Variants in LRRC37A2 observed in about 807,000 individuals in gnomAD.
LRRC37A2 encodes leucine-rich repeat-containing protein 37A2.
LRRC37A2 carries 9 observed loss-of-function variants against 68.8 expected under a neutral mutation model. The observed-to-expected ratio is 0.13, with a 90% CI of 0.08 to 0.23. LRRC37A2 has a LOEUF of 0.23. LRRC37A2 is among the 10% of genes least tolerant of loss of function. The probability of loss-of-function intolerance (pLI) is 1.00; values close to 1 mark genes in which losing one functional copy is unlikely to be tolerated. For missense variants in LRRC37A2, 168 were observed against 950.4 expected (o/e 0.18, Z 10.82); for synonymous variants, 63 against 367.6 (o/e 0.17, Z 9.48).
chr17:46,775,897 G>A, the LRRC37A2 span, among the ~76,000 whole-genome samples: 12 of 151,928 alleles, frequency 7.9e-5, no homozygotes, highest in Non-Finnish European at 1.8e-4. Flanking sequence ...ACAGGCGCGA[G>A]CCACCACGCC....
chr17:46,859,022 G>A, the LRRC37A2 span, among the ~76,000 whole-genome samples: 1 of 148,812 alleles, frequency 6.7e-6, no homozygotes, highest in Non-Finnish European at 1.5e-5. Context: ...TGTTACCCAG[G>A]CTGGAGTGCA....
chr17:46,499,344 G>GGA, the LRRC37A2 span, among the ~76,000 whole-genome samples: 11 of 136,200 alleles, frequency 8.1e-5, no homozygotes, highest in Non-Finnish European at 1.3e-4. Context: ...AAGGTGGGGG[G>GGA]ACAATGTTAC....
chr17:46,777,772 G>A, the LRRC37A2 span, among the ~76,000 whole-genome samples: 1 of 152,244 alleles, frequency 6.6e-6, no homozygotes, highest in African/African-American at 2.4e-5. Flanking sequence ...GGCGACTTAT[G>A]CAAGGAAGTG....
the LRRC37A2 span, among the ~76,000 whole-genome samples, chr17:46,744,094 C>T: frequency 1.5e-4 from 23 of 152,228 alleles, no homozygotes; most frequent in South Asian, 1.0e-3. Flanking sequence ...CCCCATAAAC[C>T]GGGTGCCCTC....
the LRRC37A2 span, among the ~76,000 whole-genome samples, chr17:46,777,622 A>G: frequency 6.6e-6 from 1 of 152,238 alleles, no homozygotes; most frequent in African/African-American, 2.4e-5. Flanking sequence ...TGGCAATACT[A>G]ATGACAACTA....
the LRRC37A2 span, among the ~76,000 whole-genome samples, chr17:47,030,011 C>T: frequency 2.2e-4 from 33 of 150,326 alleles, no homozygotes; most frequent in African/African-American, 6.9e-4. Context: ...TGCAGTGAGC[C>T]GAGATGGCAC....
the LRRC37A2 span, among the ~76,000 whole-genome samples, chr17:46,998,271 T>C: frequency 6.6e-6 from 1 of 152,208 alleles, no homozygotes; most frequent in Non-Finnish European, 1.5e-5. Context: ...CTACGGGGTA[T>C]GCTGGGAGTC....
At chr17:46,574,964 T>TA in the LRRC37A2 span, among the ~76,000 whole-genome samples, 1 of 58,968 alleles carries the variant, frequency 1.7e-5, no homozygotes, top group African/African-American at 6.2e-5. Flanking sequence ...TGCATGGTGG[T>TA]GAACGTCTGT....
the LRRC37A2 span, among the ~76,000 whole-genome samples, chr17:46,845,153 T>C: frequency 6.6e-6 from 1 of 152,174 alleles, no homozygotes; most frequent in African/African-American, 2.4e-5. Flanking sequence ...CTGGTCTCCT[T>C]CCTCCTTCTT....
the LRRC37A2 span, among the ~76,000 whole-genome samples, chr17:46,846,486 A>G: frequency 6.6e-6 from 1 of 152,240 alleles, no homozygotes; most frequent in Non-Finnish European, 1.5e-5. Flanking sequence ...GACAGTGTAT[A>G]TCAACATAGG....
chr17:46,737,088 A>G, the LRRC37A2 span, among the ~76,000 whole-genome samples: 8 of 152,328 alleles, frequency 5.3e-5, no homozygotes, highest in African/African-American at 1.9e-4. Context: ...CTTTTATTAG[A>G]TGTACATTTA....
chr17:46,931,673 G>T, the LRRC37A2 span: 1 of 318,082 alleles, frequency 3.1e-6, no homozygotes, highest in Non-Finnish European at 5.8e-6. Flanking sequence ...CCCAGCGCCT[G>T]TTTCCAAAAG....
At chr17:47,020,128 A>G in the LRRC37A2 span, among the ~76,000 whole-genome samples, 1 of 150,852 alleles carries the variant, frequency 6.6e-6, no homozygotes, top group Non-Finnish European at 1.5e-5. Context: ...CTCAGTGATG[A>G]TGCTCTAAGT....
At chr17:46,815,951 A>G in the LRRC37A2 span, among the ~76,000 whole-genome samples, 4 of 152,190 alleles carry the variant, frequency 2.6e-5, no homozygotes, top group Non-Finnish European at 5.9e-5. Context: ...TGGGGACAGG[A>G]TCACAGGCGG....
chr17:46,492,049 C>T, the LRRC37A2 span, among the ~76,000 whole-genome samples: 7 of 150,512 alleles, frequency 4.7e-5, no homozygotes, highest in Admixed American at 2.0e-4. Flanking sequence ...CCACAACCTC[C>T]GCTTCCCAGG....
the LRRC37A2 span, among the ~76,000 whole-genome samples, chr17:46,715,481 C>A: frequency 9.9e-5 from 15 of 152,206 alleles, no homozygotes; most frequent in Admixed American, 7.2e-4. Flanking sequence ...TCTCCTAAAT[C>A]ATCTATTCCT....
the LRRC37A2 span, among the ~76,000 whole-genome samples, chr17:46,862,018 C>G: frequency 6.6e-6 from 1 of 151,914 alleles, no homozygotes; most frequent in Non-Finnish European, 1.5e-5. Flanking sequence ...ACAAAAATAG[C>G]TGGGCGTGGT....
In LRRC37A2 at chr17:46,535,086, G is replaced by T. The variant is rs1367192668; in HGVS notation, c.2907-5090G>T. On this transcript the variant is annotated intron_variant, in intron 6 of 14. Transcript: ENST00000576629. ...TTTTCAAATTTTTTGTAGAGACAGGGTTTTACTCTATTGCCAGTGCTGGTA... is the reference window on the plus strand; with the variant it reads ...TTTTCAAATTTTTTGTAGAGACAGGTTTTTACTCTATTGCCAGTGCTGGTA... Among the ~76,000 whole-genome samples, 12 of 148,272 alleles carry T rather than the reference G, an allele frequency of 8.1e-5. No homozygotes were observed. The East Asian group carries it at 2.4e-3, about 29-fold the overall frequency.
the LRRC37A2 span, chr17:46,711,106 C>T: frequency 2.0e-6 from 3 of 1,509,950 alleles, no homozygotes; most frequent in Non-Finnish European, 2.6e-6. Context: ...CATTGGTCAG[C>T]GTGCTTCTGG....
Sources: allele counts gnomAD v4.1 joint callset (sites outside exome capture counted in the v4.1 genomes callset), GRCh38; gene constraint gnomAD v4.1.1; transcripts MANE v1.5; gene names NCBI Gene and HGNC (gene_info 2026-07-23, HGNC 2026-07-21).